OPCML: variants seen among roughly 807,000 people sequenced by gnomAD.
OPCML encodes the protein opioid binding protein/cell adhesion molecule like.
Under a neutral mutation model 37.8 loss-of-function variants are expected in OPCML, and 13 were observed. The observed-to-expected ratio is 0.34, with a 90% CI of 0.22 to 0.55. The LOEUF (loss-of-function observed/expected upper bound fraction) is 0.55. Among genes scored for constraint, OPCML ranks in the 20% least tolerant of loss-of-function variants. OPCML has a pLI of 0.91. For synonymous variants in OPCML, 176 were observed against 168.8 expected, an observed-to-expected ratio of 1.04 and a Z score of -0.33; for missense variants, 341 against 435.6, an observed-to-expected ratio of 0.78 and a Z score of 1.93.
At chr11:132,420,623 C>G (rs968031369) in intron 7 of OPCML, among the ~76,000 whole-genome samples, 1 of 152,206 alleles carries the variant, frequency 6.6e-6, no homozygotes, top group African/African-American at 2.4e-5. Context: ...ATCAGTGCCT[C>G]TAACTGTGTG....
rs561114843 is a variant in OPCML, at chr11:133,208,424, C to T, written c.62-265414G>A. The stretch of plus-strand genomic sequence containing the variant: ...ATAACTCTCTGGAGTTTACTCTGGG[C>T]GCAGGATGTGGTGCAGAGTAAATCA... On this transcript the variant is annotated intron_variant, in intron 1 of 7. Transcript: ENST00000524381. The surrounding 1 kb of genome is among the most constrained non-coding windows in gnomAD (Gnocchi z 8.9). Among the ~76,000 whole-genome samples, 123 of 152,202 alleles carry T rather than the reference C, an allele frequency of 8.1e-4. No homozygotes were observed. The highest frequency in any genetic ancestry group is 2.8e-3 in the African/African-American group (118 of 41,542).
intron 2 of OPCML, among the ~76,000 whole-genome samples, chr11:132,725,448 G>A (rs1944843790): frequency 6.6e-6 from 1 of 152,162 alleles, no homozygotes; most frequent in Admixed American, 6.5e-5. Context: ...CTCTGGGACT[G>A]TAATGGGAGG....
At chr11:133,370,413 T>A (rs1944646539) in intron 1 of OPCML, among the ~76,000 whole-genome samples, 1 of 151,708 alleles carries the variant, frequency 6.6e-6, no homozygotes, top group African/African-American at 2.4e-5. Context: ...TCAGCAGCAT[T>A]TCTATACATC....
intron 2 of OPCML, 145 bp downstream of exon 2, chr11:132,942,781 G>A: frequency 2.9e-6 from 3 of 1,023,128 alleles, no homozygotes; most frequent in East Asian, 2.5e-5. Flanking sequence ...CAGTCGGCAC[G>A]GCAGCACGCA....
intron 2 of OPCML, among the ~76,000 whole-genome samples, chr11:132,692,311 T>G (rs557143266): frequency 6.6e-6 from 1 of 151,894 alleles, no homozygotes; most frequent in Admixed American, 6.6e-5. Context: ...TCACTCCATA[T>G]AAAATGAGTG....
At chr11:132,522,959 A>G (rs1251630375) in intron 4 of OPCML, among the ~76,000 whole-genome samples, 1 of 152,216 alleles carries the variant, frequency 6.6e-6, no homozygotes, top group Non-Finnish European at 1.5e-5. Context: ...TGTTTGAGAC[A>G]GAGTTTCGCT....
intron 3 of OPCML, among the ~76,000 whole-genome samples, chr11:132,562,606 T>C (rs1161571090): frequency 6.6e-6 from 1 of 152,104 alleles, no homozygotes; most frequent in South Asian, 2.1e-4. Flanking sequence ...CAAGATTATC[T>C]TGTGTGTTTA....
Position 133,473,613 on chromosome 11 carries a change from G to A in OPCML, c.61+58651C>T, listed in dbSNP as rs1054944601. Among the ~76,000 whole-genome samples the A allele has an allele frequency of 1.8e-4, 28 of 152,080 alleles. 1 individual carries two copies. The highest frequency in any genetic ancestry group is 6.3e-4 in the African/African-American group (26 of 41,420). Reference sequence around the variant, plus strand: ...CGAGACTCAAAAAGAGAGGGGAGCCGTCTTGAGATCTCTATGCATAATCTT... The same window carrying A: ...CGAGACTCAAAAAGAGAGGGGAGCCATCTTGAGATCTCTATGCATAATCTT... On this transcript the variant is annotated intron_variant, in intron 1 of 7. Transcript: ENST00000524381.
rs1279781654 is a variant in OPCML, at chr11:132,943,694, G to C, written c.62-684C>G. The C allele has an allele frequency of 6.6e-6, 1 of 152,108 alleles. No homozygotes were observed. The highest frequency in any genetic ancestry group is 6.5e-5 in the Admixed American group (1 of 15,290). The allele number at this position is 152,108 out of a possible 1,614,324, so 9.4% of individuals were successfully genotyped here. On this transcript the variant is annotated intron_variant, in intron 1 of 7. Coordinates refer to ENST00000524381, the MANE Select transcript of OPCML (RefSeq NM_001012393.5). This position sits in a 1 kb window ranked among gnomAD's most constrained non-coding sequence, Gnocchi z 4.3. ...GGGGACGCGCAGCCGGCGCAGCCAG[G>C]GTCGTCCGGTCGGTGGCCGTCCTCT...
intron 2 of OPCML, among the ~76,000 whole-genome samples, chr11:132,782,560 A>C (rs1565859925): frequency 6.6e-6 from 1 of 152,186 alleles, no homozygotes; most frequent in Non-Finnish European, 1.5e-5. Context: ...TGGCTTCTCT[A>C]TTCTTTTTTG....
chr11:133,130,765 G>T (rs947764852), intron 1 of OPCML, among the ~76,000 whole-genome samples: 1 of 151,782 alleles, frequency 6.6e-6, no homozygotes, highest in Non-Finnish European at 1.5e-5. Flanking sequence ...ACAGCACAGG[G>T]GGCTTGGAAA....
intron 1 of OPCML, among the ~76,000 whole-genome samples, chr11:133,340,800 C>T (rs1943853167): frequency 6.6e-6 from 1 of 151,876 alleles, no homozygotes; most frequent in African/African-American, 2.4e-5. Flanking sequence ...ATGTATAATT[C>T]CTAAGCACCT....
chr11:132,705,522 G>T (rs917254710), intron 2 of OPCML, among the ~76,000 whole-genome samples: 1 of 152,084 alleles, frequency 6.6e-6, no homozygotes, highest in African/African-American at 2.4e-5. Context: ...GAGCCCAGGA[G>T]GCAGAGGGTG....
chr11:133,474,705 C>G (rs1278710408), intron 1 of OPCML, among the ~76,000 whole-genome samples: 3 of 152,110 alleles, frequency 2.0e-5, no homozygotes, highest in African/African-American at 7.2e-5. Context: ...ACCCAGCTCA[C>G]TCTGGTTGCC....
chr11:133,514,693 C>T (rs1010892056), intron 1 of OPCML, among the ~76,000 whole-genome samples: 1 of 152,158 alleles, frequency 6.6e-6, no homozygotes, highest in Non-Finnish European at 1.5e-5. Context: ...CATAACTGTA[C>T]GTAGGTCTGC....
chr11:133,269,777 T>C (rs1941770874), intron 1 of OPCML, among the ~76,000 whole-genome samples: 1 of 152,186 alleles, frequency 6.6e-6, no homozygotes, highest in Non-Finnish European at 1.5e-5. Flanking sequence ...ATCGATAAGA[T>C]TACCTTTCTG....
chr11:132,557,699 C>T (rs1223588459), intron 3 of OPCML, among the ~76,000 whole-genome samples: 1 of 152,146 alleles, frequency 6.6e-6, no homozygotes, highest in East Asian at 1.9e-4. Context: ...ATATTCTAGG[C>T]ACTTTGCCAG....
intron 1 of OPCML, among the ~76,000 whole-genome samples, chr11:133,186,903 G>A (rs2136294984): frequency 6.6e-6 from 1 of 152,190 alleles, no homozygotes; most frequent in Admixed American, 6.5e-5. Flanking sequence ...TCTCAGGGTA[G>A]GCCTCATTGA....
chr11:132,926,531 C>T (rs1945000422), intron 2 of OPCML, among the ~76,000 whole-genome samples: 1 of 152,138 alleles, frequency 6.6e-6, no homozygotes, highest in African/African-American at 2.4e-5. Flanking sequence ...AGGCATATAC[C>T]AAGAAAAGGC....
Sources: allele counts gnomAD v4.1 joint callset (sites outside exome capture counted in the v4.1 genomes callset), GRCh38; gene constraint gnomAD v4.1.1; non-coding constraint Gnocchi (gnomAD v3.1); transcripts MANE v1.5; gene names NCBI Gene and HGNC (gene_info 2026-07-23, HGNC 2026-07-21).